SH3RF3: variants seen among roughly 807,000 people sequenced by gnomAD.
SH3RF3 encodes E3 ubiquitin-protein ligase SH3RF3.
In SH3RF3, 29 loss-of-function variants were observed where a neutral mutation model predicts 66.3. That is an observed-to-expected ratio of 0.44 (90% confidence interval 0.33 to 0.60). SH3RF3 has a LOEUF of 0.60. SH3RF3 is among the 20% of genes least tolerant of loss of function. The pLI, the probability that SH3RF3 is intolerant of heterozygous loss-of-function variation, is 0.04. For synonymous variants in SH3RF3, 583 were observed against 532.0 expected, an observed-to-expected ratio of 1.10 and a Z score of -1.32; for missense variants, 1,194 against 1,190.9, an observed-to-expected ratio of 1.00 and a Z score of -0.04.
At chr2:109,166,270 A>G (rs1677618222) in intron 1 of SH3RF3, among the ~76,000 whole-genome samples, 1 of 151,964 alleles carries the variant, frequency 6.6e-6, no homozygotes, top group Admixed American at 6.6e-5. Context: ...CGAGGTCAGG[A>G]GATCGAGACC....
intron 1 of SH3RF3, among the ~76,000 whole-genome samples, chr2:109,191,524 G>A (rs935133269): frequency 2.6e-5 from 4 of 152,222 alleles, no homozygotes; most frequent in African/African-American, 9.6e-5. Flanking sequence ...AAGGGGTAGG[G>A]TGCCCCTCCT....
At chr2:109,202,879 T>C (rs917606032) in intron 1 of SH3RF3, among the ~76,000 whole-genome samples, 14 of 152,252 alleles carry the variant, frequency 9.2e-5, no homozygotes, top group Non-Finnish European at 2.9e-5. Flanking sequence ...ACTGCTTGGC[T>C]GATTAGCACA....
At chr2:109,285,972 G>A (rs1681021672) in intron 1 of SH3RF3, among the ~76,000 whole-genome samples, 1 of 152,190 alleles carries the variant, frequency 6.6e-6, no homozygotes, top group Non-Finnish European at 1.5e-5. Context: ...TCCATGGCCT[G>A]CAGGACAGTT....
chr2:109,456,864 C>T (rs1678072518), intron 8 of SH3RF3, among the ~76,000 whole-genome samples: 2 of 152,248 alleles, frequency 1.3e-5, no homozygotes, highest in Admixed American at 1.3e-4. Context: ...AGCTTCTCTT[C>T]TGGGGAGAAT....
chr2:109,209,881 T>G (rs142514748), intron 1 of SH3RF3, among the ~76,000 whole-genome samples: 1 of 152,308 alleles, frequency 6.6e-6, no homozygotes, highest in African/African-American at 2.4e-5. Context: ...TACAGTTCAG[T>G]GGCATTAAGT....
At chr2:109,495,547 G>A (rs900375506) in intron 9 of SH3RF3, among the ~76,000 whole-genome samples, 17 of 134,004 alleles carry the variant, frequency 1.3e-4, no homozygotes, top group African/African-American at 4.4e-4. Flanking sequence ...AGTGTGCAGC[G>A]GTGCAATCTT....
chr2:109,234,477 A>G (rs1479286913), intron 1 of SH3RF3, among the ~76,000 whole-genome samples: 1 of 152,272 alleles, frequency 6.6e-6, no homozygotes, highest in Non-Finnish European at 1.5e-5. Flanking sequence ...ACACTGGGCT[A>G]GAGAACACAC....
At chr2:109,495,063 C>T (rs920805159) in intron 9 of SH3RF3, among the ~76,000 whole-genome samples, 4 of 152,302 alleles carry the variant, frequency 2.6e-5, no homozygotes, top group East Asian at 3.9e-4. Flanking sequence ...GCCAAGCCCA[C>T]GAGCCTGGGG....
chr2:109,441,064 A>G (rs535062390), intron 7 of SH3RF3, among the ~76,000 whole-genome samples: 4 of 151,604 alleles, frequency 2.6e-5, no homozygotes, highest in African/African-American at 4.9e-5. Context: ...ACAACACTCA[A>G]GAGTCAAACT....
chr2:109,282,833 G>A (rs147940023), intron 1 of SH3RF3, among the ~76,000 whole-genome samples: 190 of 152,282 alleles, frequency 1.2e-3, no homozygotes, highest in Middle Eastern at 6.8e-3. Context: ...AGGAGGAGGT[G>A]GAGGGGTAAT....
chr2:109,466,401 T>C (rs757592068), intron 8 of SH3RF3, among the ~76,000 whole-genome samples: 16 of 152,216 alleles, frequency 1.1e-4, no homozygotes, highest in Non-Finnish European at 2.4e-4. Flanking sequence ...TTTAATGAGA[T>C]GTCTGTTTAG....
intron 1 of SH3RF3, among the ~76,000 whole-genome samples, chr2:109,306,233 C>G (rs1681593793): frequency 6.6e-6 from 1 of 152,178 alleles, no homozygotes; most frequent in Non-Finnish European, 1.5e-5. Context: ...GATGCAGACC[C>G]CAGGAAGTGT....
chr2:109,399,160 CGTG>C (rs1676237896), intron 4 of SH3RF3, among the ~76,000 whole-genome samples: 1 of 152,048 alleles, frequency 6.6e-6, no homozygotes, highest in African/African-American at 2.4e-5. Context: ...AAGATGGCCT[CGTG>C]GTGTGTGAGC....
In SH3RF3 at chr2:109,490,857, A is replaced by T; in HGVS notation, c.2401A>T (p.Asn801Tyr). 2 of 1,536,130 alleles carry T rather than the reference A, an allele frequency of 1.3e-6. No individual in the cohort carries two copies. Among genetic ancestry groups the T allele is most frequent in the Non-Finnish European group, 1.7e-6 (2 of 1,146,290 alleles). Residue 801 changes from asparagine to tyrosine, a missense_variant, in exon 9 of 10, where the codon AAC becomes TAC. Physicochemically the swap from Asn to Tyr is moderately radical, Grantham distance 143. Transcript: ENST00000309415. ...CAGGAAGGCAGGCTCCTTGGATCTAAACTTCACATCTCCTTCCCGGCAAGC... is the reference window on the plus strand; with the variant it reads ...CAGGAAGGCAGGCTCCTTGGATCTATACTTCACATCTCCTTCCCGGCAAGC... ...LHRKAGSLDL[N>Y]FTSPSRQAPL...
At chr2:109,394,689 C>T (rs1676091793) in intron 3 of SH3RF3, among the ~76,000 whole-genome samples, 1 of 152,240 alleles carries the variant, frequency 6.6e-6, no homozygotes, top group South Asian at 2.1e-4. Context: ...GGGACGTCCA[C>T]CTGATAAACA....
intron 8 of SH3RF3, among the ~76,000 whole-genome samples, chr2:109,487,329 C>T (rs577886818): frequency 2.0e-5 from 3 of 152,270 alleles, no homozygotes; most frequent in South Asian, 2.1e-4. Flanking sequence ...CTGCCTCACA[C>T]GGGACGACCA....
chr2:109,492,373 C>T (rs1432402246), intron 9 of SH3RF3, among the ~76,000 whole-genome samples: 1 of 152,168 alleles, frequency 6.6e-6, no homozygotes, highest in Non-Finnish European at 1.5e-5. Flanking sequence ...ACAGGGCTCT[C>T]TGCAGAACCC....
intron 1 of SH3RF3, among the ~76,000 whole-genome samples, chr2:109,292,421 A>T (rs200267225): frequency 6.6e-6 from 1 of 152,280 alleles, no homozygotes; most frequent in East Asian, 1.9e-4. Flanking sequence ...TAATTGGAAT[A>T]TTTTCACTAC....
intron 1 of SH3RF3, among the ~76,000 whole-genome samples, chr2:109,304,180 G>A (rs566626368): frequency 1.6e-4 from 24 of 151,894 alleles, no homozygotes; most frequent in Non-Finnish European, 2.9e-4. Context: ...TCACACTGCT[G>A]TACAGTAGAT....
Sources: allele counts gnomAD v4.1 joint callset (sites outside exome capture counted in the v4.1 genomes callset), GRCh38; gene constraint gnomAD v4.1.1; transcripts MANE v1.5; gene names NCBI Gene and HGNC (gene_info 2026-07-23, HGNC 2026-07-21).